PLXNC1: variants seen among roughly 807,000 people sequenced by gnomAD.
PLXNC1 encodes the protein plexin-C1.
A neutral mutation model predicts 178.2 loss-of-function variants in PLXNC1; 75 were observed. That is an observed-to-expected ratio of 0.42 (90% CI 0.35 to 0.51). The LOEUF is 0.51. PLXNC1 is among the 20% of genes least tolerant of loss of function. PLXNC1 has a pLI of 0.02. For missense variants in PLXNC1, 1,503 were observed against 1,984.4 expected (o/e 0.76, Z 4.61); for synonymous variants, 790 against 779.9 (o/e 1.01, Z -0.22).
chr12:94,287,530 T>C (rs995521096), intron 23 of PLXNC1, among the ~76,000 whole-genome samples: 1 of 152,196 alleles, frequency 6.6e-6, no homozygotes, highest in African/African-American at 2.4e-5. Flanking sequence ...GGACAGGTGT[T>C]GGGCAGGAAA....
At chr12:94,237,548 G>A (rs567410622) in intron 9 of PLXNC1, 116 bp from the exon 10 acceptor site, 51 of 819,074 alleles carry the variant, frequency 6.2e-5, no homozygotes, top group Middle Eastern at 5.9e-4. Context: ...GCTTGTGTTC[G>A]CAAAATGTTG....
At chr12:94,157,803 T>C (rs75511262) in intron 1 of PLXNC1, among the ~76,000 whole-genome samples, 3,438 of 152,300 alleles carry the variant, frequency 0.023, 61 homozygotes, top group African/African-American at 0.04. Flanking sequence ...GCATACAGTC[T>C]CTATCACAAC....
intron 15 of PLXNC1, among the ~76,000 whole-genome samples, chr12:94,253,227 A>AG (rs1412024399): frequency 1.3e-5 from 2 of 151,084 alleles, no homozygotes; most frequent in African/African-American, 4.8e-5. Context: ...AAAAAAAAAA[A>AG]AAAAAAAAAA....
chr12:94,229,637 C>T (rs938248995), intron 9 of PLXNC1, among the ~76,000 whole-genome samples: 6 of 152,134 alleles, frequency 3.9e-5, no homozygotes, highest in African/African-American at 1.2e-4. Context: ...TTCCCAACAT[C>T]ATTTGTTGAA....
chr12:94,259,284 C>A, intron 17 of PLXNC1, 53 bp from the exon 18 acceptor site: 1 of 1,357,514 alleles, frequency 7.4e-7, no homozygotes, highest in Non-Finnish European at 1.0e-6. Context: ...CAAAAATACA[C>A]TCTTCATTTC....
At chr12:94,249,946 T>TGGG (rs1270389031) in intron 14 of PLXNC1, among the ~76,000 whole-genome samples, 2 of 24,480 alleles carry the variant, frequency 8.2e-5, no homozygotes, top group African/African-American at 2.8e-4. Context: ...GGTGGGGGGG[T>TGGG]GGGAACAGGA....
chr12:94,185,531 G>C, intron 3 of PLXNC1, among the ~76,000 whole-genome samples: 1 of 152,216 alleles, frequency 6.6e-6, no homozygotes, highest in African/African-American at 2.4e-5. Flanking sequence ...TGGCTGCCTA[G>C]ATGTCTGGGT....
At chr12:94,217,368 TACTC>T (rs1963674302) in intron 5 of PLXNC1, among the ~76,000 whole-genome samples, 1 of 152,194 alleles carries the variant, frequency 6.6e-6, no homozygotes, top group Non-Finnish European at 1.5e-5. Context: ...CCTCTCTTCT[TACTC>T]TACATTTCGT....
chr12:94,214,568 A>G (rs1963589812), intron 5 of PLXNC1, among the ~76,000 whole-genome samples: 1 of 152,260 alleles, frequency 6.6e-6, no homozygotes. Context: ...TATCTGCAGA[A>G]TCTAAATATG....
At position 94,300,903 on chromosome 12, in the gene PLXNC1, T is replaced by C; in HGVS notation, c.4239-7T>C. Reference sequence around the variant, plus strand: ...ATTTGAAAAGAGATTATTCTCTCTTTGAACAGCCTTCCTCTTCGCTTCTGG... The same window carrying C: ...ATTTGAAAAGAGATTATTCTCTCTTCGAACAGCCTTCCTCTTCGCTTCTGG... On this transcript the variant is annotated splice_region_variant and splice_polypyrimidine_tract_variant and intron_variant, in intron 27 of 30. Coordinates refer to ENST00000258526, the MANE Select transcript of PLXNC1 (RefSeq NM_005761.3). The C allele has an allele frequency of 6.2e-7, 1 of 1,609,040 alleles. No individual in the cohort carries two copies. Among genetic ancestry groups the C allele is most frequent in the Non-Finnish European group, 8.5e-7 (1 of 1,176,216 alleles).
In PLXNC1 at chr12:94,169,001, T is replaced by G. The variant is rs984160541; in HGVS notation, c.1063-152T>G. ...GTGATTTTGCAAGGTAATGAAAGGTTGCTCCCGGGGAATCTAGTCTAAGAG... is the reference window on the plus strand; with the variant it reads ...GTGATTTTGCAAGGTAATGAAAGGTGGCTCCCGGGGAATCTAGTCTAAGAG... On this transcript the variant is annotated intron_variant, in intron 1 of 30. Transcript: ENST00000258526. 2.4e-5 allele frequency: 16 copies of G among 670,212 alleles called. No homozygotes were observed. In the African/African-American group the frequency reaches 2.9e-4, roughly 12 times the overall value. 41.5% of individuals were successfully genotyped at this position (670,212 alleles called of 1,614,324 possible).
At chr12:94,288,322 G>A (rs1966902773) in intron 23 of PLXNC1, among the ~76,000 whole-genome samples, 1 of 152,132 alleles carries the variant, frequency 6.6e-6, no homozygotes, top group Admixed American at 6.5e-5. Context: ...CCTCTCTCAG[G>A]CATCTGGGCT....
chr12:94,164,907 A>C (rs527475126), intron 1 of PLXNC1, among the ~76,000 whole-genome samples: 1 of 152,346 alleles, frequency 6.6e-6, no homozygotes, highest in South Asian at 2.1e-4. Context: ...GGAGAAGCAG[A>C]GTGACAACTC....
intron 4 of PLXNC1, among the ~76,000 whole-genome samples, chr12:94,191,197 C>T (rs1467459592): frequency 2.6e-5 from 4 of 152,268 alleles, no homozygotes; most frequent in Middle Eastern, 6.8e-3. Flanking sequence ...TCAGAAACCA[C>T]TTGGTTTCAG....
At chr12:94,241,507 T>C (rs942429692) in intron 11 of PLXNC1, among the ~76,000 whole-genome samples, 2 of 152,158 alleles carry the variant, frequency 1.3e-5, no homozygotes, top group East Asian at 3.9e-4. Flanking sequence ...TATCCCTCTC[T>C]GGCCCCGCCA....
In PLXNC1 at chr12:94,260,165, G is replaced by A. The variant is rs975980532; in HGVS notation, c.3251+431G>A. Among the ~76,000 whole-genome samples the A allele has an allele frequency of 2.6e-5, 4 of 152,046 alleles. No homozygotes were observed. The highest frequency in any genetic ancestry group is 9.7e-5 in the African/African-American group (4 of 41,394). ...CCTCCTGGGCTCAAGCTACCCTCCT[G>A]CCTCAGCCTCCCCAAGTAGCTGGAA... On this transcript the variant is annotated intron_variant, in intron 19 of 30. Transcript: ENST00000258526. This position sits in a 1 kb window ranked among gnomAD's most constrained non-coding sequence, Gnocchi z 4.4.
Position 94,209,988 on chromosome 12 carries a change from A to G in PLXNC1, c.1554+284A>G, listed in dbSNP as rs116400814. Among the ~76,000 whole-genome samples the G allele has an allele frequency of 4.8e-3, 729 of 152,334 alleles. 5 individuals carry two copies. The highest frequency in any genetic ancestry group is 0.017 in the Middle Eastern group (5 of 294). On this transcript the variant is annotated intron_variant, in intron 5 of 30. Transcript: ENST00000258526. ...GACCCTCAATGGTTGAACTGGAAGA[A>G]AAGTTGGACTTCTAATGTTGTAGAA... is the stretch of plus-strand genomic sequence containing the variant.
chr12:94,208,541 G>A (rs752616657), intron 4 of PLXNC1, among the ~76,000 whole-genome samples: 2 of 152,148 alleles, frequency 1.3e-5, no homozygotes, highest in East Asian at 1.9e-4. Flanking sequence ...GGGACTCCCC[G>A]TAGCTGAATG....
At chr12:94,303,693 C>CTTT (rs373777720) in intron 28 of PLXNC1, 63 bp from the exon 29 acceptor site, 52 of 700,118 alleles carry the variant, frequency 7.4e-5, no homozygotes, top group East Asian at 4.0e-4. Flanking sequence ...ATTCCTCCAT[C>CTTT]TTTTTTTTTT....
Sources: allele counts gnomAD v4.1 joint callset (sites outside exome capture counted in the v4.1 genomes callset), GRCh38; gene constraint gnomAD v4.1.1; non-coding constraint Gnocchi (gnomAD v3.1); transcripts MANE v1.5; gene names NCBI Gene and HGNC (gene_info 2026-07-23, HGNC 2026-07-21).